SH3RF3: variants seen among roughly 807,000 people sequenced by gnomAD.
SH3RF3 encodes the protein SH3 domain containing ring finger 3, also known as E3 ubiquitin-protein ligase SH3RF3.
Under a neutral mutation model 66.3 loss-of-function variants are expected in SH3RF3, and 29 were observed. That is an observed-to-expected ratio of 0.44 (90% CI 0.33 to 0.60). The LOEUF is 0.60. Among genes scored for constraint, SH3RF3 ranks in the 20% least tolerant of loss-of-function variants. The pLI, the probability that SH3RF3 is intolerant of heterozygous loss-of-function variation, is 0.04. For synonymous variants in SH3RF3, 583 were observed against 532.0 expected, an observed-to-expected ratio of 1.10 and a Z score of -1.32; for missense variants, 1,194 against 1,190.9, an observed-to-expected ratio of 1.00 and a Z score of -0.04.
At chr2:109,258,771 G>A (rs1290773491) in intron 1 of SH3RF3, among the ~76,000 whole-genome samples, 1 of 152,226 alleles carries the variant, frequency 6.6e-6, no homozygotes, top group East Asian at 1.9e-4. Flanking sequence ...GGCCTGCACT[G>A]CTGTTGTCCT....
intron 8 of SH3RF3, among the ~76,000 whole-genome samples, chr2:109,457,693 G>A (rs919806610): frequency 6.6e-6 from 1 of 152,254 alleles, no homozygotes; most frequent in Admixed American, 6.5e-5. Context: ...TTCTACTGCT[G>A]TGACTGCCTT....
At chr2:109,429,976 C>G (rs1012121335) in intron 5 of SH3RF3, among the ~76,000 whole-genome samples, 1 of 152,200 alleles carries the variant, frequency 6.6e-6, no homozygotes, top group Non-Finnish European at 1.5e-5. Flanking sequence ...CAGAGCACAG[C>G]CCACCCCACA....
intron 4 of SH3RF3, among the ~76,000 whole-genome samples, chr2:109,417,692 G>T (rs949172535): frequency 2.0e-5 from 3 of 152,150 alleles, no homozygotes; most frequent in African/African-American, 7.2e-5. Flanking sequence ...GGAGTCTCTC[G>T]GTTGCACCCG....
intron 4 of SH3RF3, among the ~76,000 whole-genome samples, chr2:109,413,438 C>T (rs371630896): frequency 1.3e-5 from 2 of 152,168 alleles, no homozygotes; most frequent in Non-Finnish European, 2.9e-5. Flanking sequence ...AGGATTCATT[C>T]TTAACAGGAA....
Position 109,398,450 on chromosome 2 carries a change from T to A in SH3RF3, c.946-140T>A, listed in dbSNP as rs946338640. Reference sequence around the variant, plus strand: ...AAACCTATGCCACCCCACCAGCCTCTTCTGTGTTTTCCCTGCAGTCTGACG... The same window carrying A: ...AAACCTATGCCACCCCACCAGCCTCATCTGTGTTTTCCCTGCAGTCTGACG... On this transcript the variant is annotated intron_variant, in intron 3 of 9. Transcript: ENST00000309415. 1.0e-4 allele frequency: 81 copies of A among 790,290 alleles called. 1 individual carries two copies. The South Asian group carries it at 1.5e-3, about 15-fold the overall frequency. The allele number at this position is 790,290 out of a possible 1,614,324, so 49.0% of individuals were successfully genotyped here.
chr2:109,280,715 G>C (rs1465044936), intron 1 of SH3RF3, among the ~76,000 whole-genome samples: 1 of 152,216 alleles, frequency 6.6e-6, no homozygotes, highest in Non-Finnish European at 1.5e-5. Context: ...TGAGTATCTG[G>C]AGACGTTGGA....
chr2:109,183,432 G>A (rs1255800002), intron 1 of SH3RF3, among the ~76,000 whole-genome samples: 2 of 152,162 alleles, frequency 1.3e-5, no homozygotes, highest in Non-Finnish European at 2.9e-5. Context: ...ATATCTAGAT[G>A]CATATAGTAG....
At chr2:109,421,436 G>C (rs1299064350) in intron 5 of SH3RF3, among the ~76,000 whole-genome samples, 11 of 152,218 alleles carry the variant, frequency 7.2e-5, no homozygotes, top group Admixed American at 7.2e-4. Flanking sequence ...ACCCAAGAAG[G>C]CTTCTCTGTC....
chr2:109,429,268 C>T (rs975992076), intron 5 of SH3RF3, among the ~76,000 whole-genome samples: 9 of 152,282 alleles, frequency 5.9e-5, no homozygotes, highest in Non-Finnish European at 7.4e-5. Flanking sequence ...AGAAAACAGA[C>T]CCAGCACATC....
At chr2:109,406,776 T>C (rs1676462518) in intron 4 of SH3RF3, among the ~76,000 whole-genome samples, 1 of 152,110 alleles carries the variant, frequency 6.6e-6, no homozygotes, top group African/African-American at 2.4e-5. Flanking sequence ...TCCAGGACCA[T>C]AGCAGGGGCA....
intron 1 of SH3RF3, among the ~76,000 whole-genome samples, chr2:109,270,248 G>A (rs1004778985): frequency 1.3e-5 from 2 of 152,228 alleles, no homozygotes; most frequent in African/African-American, 4.8e-5. Context: ...TGGTTAGGCT[G>A]GAACACCTGA....
At chr2:109,186,396 C>T (rs943805400) in intron 1 of SH3RF3, among the ~76,000 whole-genome samples, 5 of 152,300 alleles carry the variant, frequency 3.3e-5, no homozygotes, top group African/African-American at 4.8e-5. Context: ...CATTAAGAGG[C>T]GGAGCCTCGA....
chr2:109,419,707 C>T, intron 5 of SH3RF3, 65 bp downstream of exon 5: 2 of 1,465,860 alleles, frequency 1.4e-6, no homozygotes, highest in Non-Finnish European at 1.8e-6. Context: ...CTGGGCTGAC[C>T]TGTCCACGTG....
At chr2:109,182,432 A>G (rs1446132363) in intron 1 of SH3RF3, among the ~76,000 whole-genome samples, 48 of 152,316 alleles carry the variant, frequency 3.2e-4, no homozygotes, top group East Asian at 1.9e-4. Context: ...TTAGGGATCA[A>G]ATTTCCAACA....
intron 1 of SH3RF3, among the ~76,000 whole-genome samples, chr2:109,259,780 T>G (rs1680307555): frequency 6.6e-6 from 1 of 152,230 alleles, no homozygotes; most frequent in Admixed American, 6.5e-5. Flanking sequence ...GGGAGCTTTA[T>G]TCAGACAAGT....
chr2:109,453,168 A>T (rs73953118), intron 8 of SH3RF3, among the ~76,000 whole-genome samples: 8,840 of 152,086 alleles, frequency 0.058, 800 homozygotes, highest in African/African-American at 0.19. Context: ...CCTGAACCAG[A>T]GCTCCTCTCT....
rs574491048 is a variant in SH3RF3, at chr2:109,471,000, A to T, written c.2149-19605A>T. Among the ~76,000 whole-genome samples the T allele has an allele frequency of 5.3e-4, 80 of 152,248 alleles. 1 individual carries two copies. The South Asian group carries it at 0.016, about 30-fold the overall frequency. ...TTTGAGAGGCCGAGGAGGGCAGATC[A>T]CTTGAGGTCAGGAGTTCGAGACCAG... On this transcript the variant is annotated intron_variant, in intron 8 of 9. Coordinates refer to ENST00000309415, the MANE Select transcript of SH3RF3 (RefSeq NM_001099289.3).
chr2:109,432,496 C>T lies in SH3RF3; in HGVS notation c.1404-5C>T, dbSNP rs551867914. On this transcript the variant is annotated splice_polypyrimidine_tract_variant and splice_region_variant and intron_variant, in intron 5 of 9. Coordinates refer to ENST00000309415, the MANE Select transcript of SH3RF3 (RefSeq NM_001099289.3). ...ACTGACACTGGCCCCATGCTTTGCCCGCAGGTACCTGGCGCTCTACGCCTA... is the reference window on the plus strand; with the variant it reads ...ACTGACACTGGCCCCATGCTTTGCCTGCAGGTACCTGGCGCTCTACGCCTA... 57 of 1,612,974 alleles carry T rather than the reference C, an allele frequency of 3.5e-5. No homozygotes were observed. The highest frequency in any genetic ancestry group is 1.7e-4 in the Middle Eastern group (1 of 6,060).
intron 6 of SH3RF3, among the ~76,000 whole-genome samples, chr2:109,434,161 G>A (rs1286534483): frequency 6.6e-6 from 1 of 152,196 alleles, no homozygotes; most frequent in Non-Finnish European, 1.5e-5. Flanking sequence ...TCTAGGTTAG[G>A]GGACTCCCTG....
Sources: gnomAD v4.1 joint callset for allele counts (sites outside exome capture counted in the v4.1 genomes callset) on GRCh38, gnomAD v4.1.1 for gene constraint, MANE v1.5 for transcripts, NCBI Gene and HGNC (gene_info 2026-07-23, HGNC 2026-07-21) for gene names.